Variants in GEMIN8 observed in about 807,000 individuals in gnomAD.
GEMIN8 encodes gem nuclear organelle associated protein 8.
For synonymous variants in GEMIN8, 80 were observed against 78.5 expected (o/e 1.02, Z -0.10); for missense variants, 185 against 205.9 (o/e 0.90, Z 0.62).
chrX:14,014,619 A>C, intron 4 of GEMIN8: 2 of 521,513 alleles, frequency 3.8e-6, no homozygotes, highest in Non-Finnish European at 4.7e-6. Flanking sequence ...GACTAAAGCA[A>C]GACAGCTCAC....
At chrX:13,994,375 C>T in the GEMIN8 span, among the ~76,000 whole-genome samples, 1 of 111,928 alleles carries the variant, frequency 8.9e-6, no homozygotes, top group African/African-American at 3.3e-5. Flanking sequence ...CACACATTGG[C>T]CCCCGAGCTT....
At chrX:14,011,838 C>CT (rs201060372) in intron 4 of GEMIN8, among the ~76,000 whole-genome samples, 10 of 109,402 alleles carry the variant, frequency 9.1e-5, no homozygotes, top group East Asian at 5.7e-4. Context: ...ACTTTTGCAT[C>CT]TTTTTTTTTC....
At chrX:13,993,441 C>CTTT in the GEMIN8 span, among the ~76,000 whole-genome samples, 14 of 90,635 alleles carry the variant, frequency 1.5e-4, no homozygotes, top group Non-Finnish European at 1.1e-4. Flanking sequence ...GTTGTGTATA[C>CTTT]TTTTTTTTTT....
chrX:13,990,235 T>C, the GEMIN8 span, among the ~76,000 whole-genome samples: 1 of 112,599 alleles, frequency 8.9e-6, no homozygotes, highest in South Asian at 3.7e-4. Context: ...AGATAGGACT[T>C]GAAATTCATT....
Position 14,007,137 on chromosome X carries a change from C to T in GEMIN8, c.*1776G>A, listed in dbSNP as rs928393879. ...AGGGAAAGTTAATTATCATTTTTGTCGGCAACACCTACACACAAATTGTGA... is the reference window on the plus strand; with the variant it reads ...AGGGAAAGTTAATTATCATTTTTGTTGGCAACACCTACACACAAATTGTGA... On this transcript the variant is annotated 3_prime_UTR_variant, in exon 5 of 5. Coordinates refer to ENST00000680255, the MANE Select transcript of GEMIN8 (RefSeq NM_001042479.2). Among the ~76,000 whole-genome samples, 3 of 111,998 alleles carry T rather than the reference C, an allele frequency of 2.7e-5. No homozygotes were observed. Among genetic ancestry groups the T allele is most frequent in the Admixed American group, 9.5e-5 (1 of 10,575 alleles).
At chrX:13,992,251 C>T in the GEMIN8 span, among the ~76,000 whole-genome samples, 1 of 112,425 alleles carries the variant, frequency 8.9e-6, no homozygotes, top group Non-Finnish European at 1.9e-5. Context: ...CTTATTCTGA[C>T]TCTCAGAGGC....
At chrX:14,015,973 A>G (rs1375814246) in intron 4 of GEMIN8, among the ~76,000 whole-genome samples, 1 of 97,264 alleles carries the variant, frequency 1.0e-5, no homozygotes, top group Non-Finnish European at 2.1e-5. Flanking sequence ...TATGAATTCC[A>G]TCATTCATTA....
intron 4 of GEMIN8, chrX:14,014,042 A>C (rs1923744014): frequency 1.3e-6 from 1 of 750,224 alleles, no homozygotes; most frequent in Non-Finnish European, 1.6e-6. Flanking sequence ...AAATCATGGA[A>C]AGTTACCAGG....
downstream of GEMIN8, among the ~76,000 whole-genome samples, chrX:14,004,497 G>A (rs1163995854): frequency 1.8e-5 from 2 of 112,017 alleles, no homozygotes; most frequent in African/African-American, 6.5e-5. Flanking sequence ...CCTTCAATAG[G>A]GTGGACCAAC....
the GEMIN8 span, among the ~76,000 whole-genome samples, chrX:14,001,461 T>C: frequency 8.9e-6 from 1 of 112,169 alleles, no homozygotes; most frequent in Non-Finnish European, 1.9e-5. Context: ...TTAGGACACA[T>C]ACAAGTTCCA....
chrX:14,029,692 T>G (rs1484539517), intron 1 of GEMIN8, 85 bp downstream of exon 1: 1 of 112,808 alleles, frequency 8.9e-6, no homozygotes, highest in Non-Finnish European at 1.9e-5. Context: ...ACCTCGGCTC[T>G]CTGCGCATCA....
the GEMIN8 span, among the ~76,000 whole-genome samples, chrX:13,998,542 C>A: frequency 9.0e-6 from 1 of 111,005 alleles, no homozygotes; most frequent in African/African-American, 3.3e-5. Flanking sequence ...GCCTCCCCAG[C>A]CATGCGAAAC....
At chrX:14,000,120 T>C in the GEMIN8 span, among the ~76,000 whole-genome samples, 1 of 106,139 alleles carries the variant, frequency 9.4e-6, no homozygotes, top group Non-Finnish European at 1.9e-5. Context: ...ACCTGGGCAA[T>C]ATAGTGAGGC....
the GEMIN8 span, among the ~76,000 whole-genome samples, chrX:13,989,930 T>A: frequency 8.9e-6 from 1 of 112,198 alleles, no homozygotes; most frequent in South Asian, 3.7e-4. Context: ...TCTTGACACA[T>A]GTGGTACAAG....
chrX:14,017,069 G>A (rs1373499156), intron 4 of GEMIN8, among the ~76,000 whole-genome samples: 1 of 108,298 alleles, frequency 9.2e-6, no homozygotes, highest in Non-Finnish European at 1.9e-5. Context: ...TTATCTCATG[G>A]ATTCTTCACA....
At chrX:13,992,117 G>A in the GEMIN8 span, among the ~76,000 whole-genome samples, 1 of 112,075 alleles carries the variant, frequency 8.9e-6, no homozygotes, top group East Asian at 2.8e-4. Context: ...TTATTCTCTG[G>A]CAGTTTTTAA....
intron 4 of GEMIN8, among the ~76,000 whole-genome samples, chrX:14,012,704 AT>A (rs1382218291): frequency 9.0e-6 from 1 of 111,631 alleles, no homozygotes; most frequent in Non-Finnish European, 1.9e-5. Context: ...GCCATGCATG[AT>A]TTTTTTGTAA....
At chrX:14,015,878 A>C (rs1391987521) in intron 4 of GEMIN8, among the ~76,000 whole-genome samples, 1 of 111,949 alleles carries the variant, frequency 8.9e-6, no homozygotes, top group African/African-American at 3.3e-5. Flanking sequence ...AGCTTTTTCC[A>C]ACAGTGTATG....
At chrX:13,989,912 T>C in the GEMIN8 span, among the ~76,000 whole-genome samples, 155 of 112,280 alleles carry the variant, frequency 1.4e-3, 2 homozygotes, top group African/African-American at 4.9e-3. Context: ...TGAAAACATC[T>C]TCTTGCTTCT....
Sources: allele counts gnomAD v4.1 joint callset (sites outside exome capture counted in the v4.1 genomes callset), GRCh38; gene constraint gnomAD v4.1.1; transcripts MANE v1.5; gene names NCBI Gene and HGNC (gene_info 2026-07-23, HGNC 2026-07-21).